Variants in RETREG1 observed in about 807,000 individuals in gnomAD.
RETREG1 encodes reticulophagy regulator 1.
A neutral mutation model predicts 54.8 loss-of-function variants in RETREG1; 44 were observed. That is an observed-to-expected ratio of 0.80 (90% CI 0.63 to 1.03). RETREG1 has a LOEUF of 1.03. RETREG1 is among the 50% of genes least tolerant of loss of function. The pLI is 0.00. For synonymous variants in RETREG1, 217 were observed against 238.5 expected, an observed-to-expected ratio of 0.91 and a Z score of 0.83; for missense variants, 554 against 605.1, an observed-to-expected ratio of 0.92 and a Z score of 0.89.
chr5:16,543,072 A>C (rs764407680), intron 3 of RETREG1, among the ~76,000 whole-genome samples: 2 of 152,186 alleles, frequency 1.3e-5, no homozygotes, highest in African/African-American at 2.4e-5. Context: ...ATTTCATACA[A>C]ATGGAATCAT....
intron 3 of RETREG1, among the ~76,000 whole-genome samples, chr5:16,544,717 A>C (rs969777735): frequency 6.6e-6 from 1 of 152,218 alleles, no homozygotes; most frequent in Non-Finnish European, 1.5e-5. Context: ...CCTTCGTTGG[A>C]AATTAGTTGT....
At chr5:16,576,642 C>T (rs922067008) in intron 1 of RETREG1, among the ~76,000 whole-genome samples, 4 of 152,168 alleles carry the variant, frequency 2.6e-5, no homozygotes, top group Admixed American at 1.3e-4. Flanking sequence ...TGTACCAACA[C>T]GCCCGGCTAA....
At chr5:16,603,812 C>G (rs1338370514) in intron 1 of RETREG1, among the ~76,000 whole-genome samples, 5 of 152,096 alleles carry the variant, frequency 3.3e-5, no homozygotes, top group African/African-American at 9.7e-5. Flanking sequence ...AAGAACAGGC[C>G]AGAGCCCACA....
At chr5:16,615,061 G>A (rs986869897) in intron 1 of RETREG1, among the ~76,000 whole-genome samples, 1 of 152,174 alleles carries the variant, frequency 6.6e-6, no homozygotes, top group African/African-American at 2.4e-5. Context: ...TGCACTGTGA[G>A]ACTGTATTAG....
chr5:16,536,365 C>T (rs898287943), intron 3 of RETREG1, among the ~76,000 whole-genome samples: 5 of 152,094 alleles, frequency 3.3e-5, no homozygotes, highest in Admixed American at 6.6e-5. Context: ...TGAAGCTGGA[C>T]GGTGTTGATA....
chr5:16,616,422 A>T, intron 1 of RETREG1: 1 of 726,428 alleles, frequency 1.4e-6, no homozygotes, highest in Non-Finnish European at 2.1e-6. Flanking sequence ...CTCGCATCTG[A>T]GGCTGGATCC....
At position 16,539,667 on chromosome 5, in the gene RETREG1, C is replaced by T. The variant is rs528298175; in HGVS notation, c.458+26096G>A. ...CAACCACCAGGAAAGCCAACTGTCC[C>T]GGTACCGGGGCCCTGATGTGACTTC... On this transcript the variant is annotated intron_variant, in intron 3 of 8. Coordinates refer to ENST00000306320, the MANE Select transcript of RETREG1 (RefSeq NM_001034850.3). Among the ~76,000 whole-genome samples, 8 of 152,256 alleles carry T rather than the reference C, an allele frequency of 5.3e-5. No individual in the cohort carries two copies. In the East Asian group the frequency reaches 1.2e-3, roughly 22 times the overall value.
intron 3 of RETREG1, among the ~76,000 whole-genome samples, chr5:16,517,322 T>C (rs1740393437): frequency 6.6e-6 from 1 of 152,240 alleles, no homozygotes. Context: ...TGTTTTATTG[T>C]TCACATGTTT....
chr5:16,557,628 T>TTG (rs1561119553), intron 3 of RETREG1, among the ~76,000 whole-genome samples: 1 of 152,194 alleles, frequency 6.6e-6, no homozygotes, highest in Non-Finnish European at 1.5e-5. Flanking sequence ...GACTGCAGAA[T>TTG]TGTGCTCAAT....
chr5:16,606,505 G>T (rs985141339), intron 1 of RETREG1, among the ~76,000 whole-genome samples: 1 of 152,132 alleles, frequency 6.6e-6, no homozygotes, highest in African/African-American at 2.4e-5. Flanking sequence ...AATTCACCTG[G>T]TAAGCTACAG....
intron 8 of RETREG1, among the ~76,000 whole-genome samples, chr5:16,475,443 C>T (rs1738497740): frequency 6.6e-6 from 1 of 152,148 alleles, no homozygotes; most frequent in Non-Finnish European, 1.5e-5. Context: ...AAATACTACA[C>T]ATCCCTCTCC....
At chr5:16,540,005 G>A (rs1412037205) in intron 3 of RETREG1, among the ~76,000 whole-genome samples, 3 of 152,054 alleles carry the variant, frequency 2.0e-5, no homozygotes, top group Non-Finnish European at 4.4e-5. Context: ...AAAATATAAA[G>A]CTTACTATGA....
intron 3 of RETREG1, among the ~76,000 whole-genome samples, chr5:16,532,513 C>G (rs1489976919): frequency 6.6e-6 from 1 of 152,188 alleles, no homozygotes; most frequent in Non-Finnish European, 1.5e-5. Context: ...ATTGTGTTAG[C>G]TCTCCATGCA....
At chr5:16,540,746 A>T (rs575116439) in intron 3 of RETREG1, among the ~76,000 whole-genome samples, 5 of 152,210 alleles carry the variant, frequency 3.3e-5, no homozygotes, top group Admixed American at 6.5e-5. Flanking sequence ...CACACCAGCC[A>T]CAGGCCTCCC....
At chr5:16,610,102 G>A (rs976429856) in intron 1 of RETREG1, among the ~76,000 whole-genome samples, 7 of 152,098 alleles carry the variant, frequency 4.6e-5, no homozygotes, top group Non-Finnish European at 8.8e-5. Context: ...TGGCTCTAAC[G>A]CAAGCTGGGG....
At chr5:16,506,477 G>GT (rs34135867) in intron 3 of RETREG1, among the ~76,000 whole-genome samples, 43,587 of 144,306 alleles carry the variant, frequency 0.3, 6,694 homozygotes, top group East Asian at 0.37. Flanking sequence ...TTGTTTTTTT[G>GT]TTTTTTTTTT....
chr5:16,494,063 T>C (rs1271513149), intron 3 of RETREG1, among the ~76,000 whole-genome samples: 4 of 152,206 alleles, frequency 2.6e-5, no homozygotes, highest in African/African-American at 9.7e-5. Context: ...AGAGTGTATC[T>C]CTCATTTATG....
intron 3 of RETREG1, among the ~76,000 whole-genome samples, chr5:16,541,381 G>C (rs1287609457): frequency 6.6e-6 from 1 of 152,168 alleles, no homozygotes; most frequent in African/African-American, 2.4e-5. Context: ...TTTCACATTT[G>C]ACTTTGCTCT....
Position 16,475,251 on chromosome 5 carries a change from A to G in RETREG1, c.1001-17T>C, listed in dbSNP as rs16868657. The G allele has an allele frequency of 4.7e-3, 7,546 of 1,608,572 alleles. 283 individuals are homozygous for G. The African/African-American group carries it at 0.088, about 19-fold the overall frequency. ...GGTCAAGATCTGTGAAATGGATAAC[A>G]GAAGTTCAGACTGAAGCACCATAAC... On this transcript the variant is annotated splice_polypyrimidine_tract_variant and intron_variant, in intron 8 of 8. Transcript: ENST00000306320.
Sources: allele counts gnomAD v4.1 joint callset (sites outside exome capture counted in the v4.1 genomes callset), GRCh38; gene constraint gnomAD v4.1.1; transcripts MANE v1.5; gene names NCBI Gene and HGNC (gene_info 2026-07-23, HGNC 2026-07-21).